CACNA1D: variants seen among roughly 807,000 people sequenced by gnomAD.
The protein encoded by CACNA1D is voltage-dependent L-type calcium channel subunit alpha-1D.
CACNA1D carries 55 observed loss-of-function variants against 257.1 expected under a neutral mutation model. That is an observed-to-expected ratio of 0.21 (90% CI 0.17 to 0.27). The LOEUF (loss-of-function observed/expected upper bound fraction) is 0.27, where lower values mean the gene tolerates loss of function less well. CACNA1D is among the 10% of genes least tolerant of loss of function. CACNA1D has a pLI of 1.00. For missense variants in CACNA1D, 1,876 were observed against 2,784.0 expected (o/e 0.67, Z 7.34); for synonymous variants, 980 against 1,014.9 (o/e 0.97, Z 0.65).
At chr3:53,615,122 G>A (rs544223353) in intron 3 of CACNA1D, among the ~76,000 whole-genome samples, 1 of 152,270 alleles carries the variant, frequency 6.6e-6, no homozygotes, top group East Asian at 1.9e-4. Flanking sequence ...ATTGACATCC[G>A]TGGCTTCATT....
intron 3 of CACNA1D, among the ~76,000 whole-genome samples, chr3:53,585,932 G>A (rs552874746): frequency 1.5e-4 from 23 of 152,268 alleles, no homozygotes; most frequent in South Asian, 1.5e-3. Context: ...GGCATACCAC[G>A]GGGATTTGTG....
intron 8 of CACNA1D, among the ~76,000 whole-genome samples, chr3:53,676,236 C>T (rs1188992439): frequency 6.6e-6 from 1 of 152,224 alleles, no homozygotes; most frequent in African/African-American, 2.4e-5. Flanking sequence ...CGGCGACTGA[C>T]GATGGGCTGG....
intron 20 of CACNA1D, among the ~76,000 whole-genome samples, chr3:53,736,664 G>A (rs1274078908): frequency 6.6e-6 from 1 of 152,108 alleles, no homozygotes; most frequent in East Asian, 1.9e-4. Context: ...GGCCAAGACA[G>A]TAGAATCGCT....
At chr3:53,502,487 A>G (rs1309341661) in intron 3 of CACNA1D, among the ~76,000 whole-genome samples, 2 of 151,190 alleles carry the variant, frequency 1.3e-5, no homozygotes, top group Non-Finnish European at 2.9e-5. Flanking sequence ...TTTTTTGGCA[A>G]AAGACTTTAA....
intron 3 of CACNA1D, among the ~76,000 whole-genome samples, chr3:53,505,115 G>GTTTTTTTTTTTTTT (rs35938386): frequency 3.1e-5 from 3 of 97,618 alleles, no homozygotes; most frequent in African/African-American, 4.1e-5. Context: ...TTGTTTATTT[G>GTTTTTTTTTTTTTT]TTTTTTTTTT....
intron 3 of CACNA1D, among the ~76,000 whole-genome samples, chr3:53,546,494 G>A (rs138917321): frequency 2.1e-4 from 32 of 152,250 alleles, no homozygotes; most frequent in African/African-American, 7.2e-4. Context: ...TTTGGCTTAG[G>A]GTTCTGGTGA....
chr3:53,612,788 G>A (rs2093597207), intron 3 of CACNA1D, among the ~76,000 whole-genome samples: 1 of 152,166 alleles, frequency 6.6e-6, no homozygotes, highest in African/African-American at 2.4e-5. Flanking sequence ...TGGGGCAGTC[G>A]TGAAGCTCAC....
intron 3 of CACNA1D, among the ~76,000 whole-genome samples, chr3:53,590,641 T>C (rs2093290213): frequency 2.0e-5 from 3 of 152,210 alleles, no homozygotes; most frequent in African/African-American, 4.8e-5. Flanking sequence ...TGTTGGTTGG[T>C]TGGAGAGTCA....
chr3:53,608,656 T>G (rs1056524501), intron 3 of CACNA1D, among the ~76,000 whole-genome samples: 4 of 152,228 alleles, frequency 2.6e-5, no homozygotes, highest in Admixed American at 2.6e-4. Context: ...TTTCTTTCTA[T>G]TTCTATTTCT....
At chr3:53,702,307 G>T (rs1477371646) in intron 8 of CACNA1D, among the ~76,000 whole-genome samples, 1 of 152,204 alleles carries the variant, frequency 6.6e-6, no homozygotes, top group African/African-American at 2.4e-5. Flanking sequence ...TCTGAGTTCA[G>T]GCCCCTTGTT....
At chr3:53,759,156 G>A (rs979301179) in intron 29 of CACNA1D, among the ~76,000 whole-genome samples, 3 of 152,200 alleles carry the variant, frequency 2.0e-5, no homozygotes, top group Non-Finnish European at 2.9e-5. Flanking sequence ...AGTGTGAGGG[G>A]TTTCTGGAGA....
Position 53,763,669 on chromosome 3 carries a change from C to T in CACNA1D, c.3870+1588C>T, listed in dbSNP as rs144090480. ...CTGCAGGATTGAGGATTATAAGGTC[C>T]ATCCTGGTGCCCAGACAGCCTGCAT... On this transcript the variant is annotated intron_variant, in intron 30 of 47. Coordinates refer to ENST00000350061, the MANE Select transcript of CACNA1D (RefSeq NM_001128840.3). Among the ~76,000 whole-genome samples, 442 of 152,308 alleles carry T rather than the reference C, an allele frequency of 2.9e-3. 2 individuals carry two copies. The highest frequency in any genetic ancestry group is 9.7e-3 in the African/African-American group (403 of 41,574).
intron 23 of CACNA1D, 130 bp downstream of exon 23, chr3:53,744,957 AT>A: frequency 3.0e-6 from 2 of 660,402 alleles, no homozygotes; most frequent in Non-Finnish European, 5.6e-6. Context: ...TTTCTAACCA[AT>A]TCAGCCACCT....
chr3:53,547,413 T>A (rs1408460715), intron 3 of CACNA1D, among the ~76,000 whole-genome samples: 1 of 152,218 alleles, frequency 6.6e-6, no homozygotes, highest in Non-Finnish European at 1.5e-5. Context: ...CGTCAATTGA[T>A]TCTCTTTATT....
At chr3:53,767,037 G>A (rs940671528) in intron 30 of CACNA1D, among the ~76,000 whole-genome samples, 3 of 152,168 alleles carry the variant, frequency 2.0e-5, no homozygotes, top group South Asian at 2.1e-4. Context: ...GAGTCTAATC[G>A]CTCTCTCTTC....
chr3:53,636,378 A>G (rs553742762), intron 3 of CACNA1D, among the ~76,000 whole-genome samples: 1 of 152,334 alleles, frequency 6.6e-6, no homozygotes, highest in African/African-American at 2.4e-5. Flanking sequence ...ATCTCGGCTC[A>G]CTGCAACCAC....
intron 39 of CACNA1D, 175 bp downstream of exon 39, chr3:53,781,842 T>G (rs942078316): frequency 3.1e-6 from 2 of 647,842 alleles, no homozygotes; most frequent in South Asian, 3.5e-5. Context: ...GGGGGTGATA[T>G]GAAGAACATT....
intron 22 of CACNA1D, among the ~76,000 whole-genome samples, chr3:53,744,535 G>C (rs563764877): frequency 6.6e-6 from 1 of 152,228 alleles, no homozygotes; most frequent in South Asian, 2.1e-4. Context: ...TGAGTGCCAT[G>C]GGCTGGGCTT....
intron 3 of CACNA1D, among the ~76,000 whole-genome samples, chr3:53,614,126 CAA>C (rs60855377): frequency 9.7e-4 from 105 of 108,744 alleles, no homozygotes; most frequent in African/African-American, 2.5e-3. Context: ...GCCCCCAACT[CAA>C]AAAAAAAAAA....
Sources: allele counts gnomAD v4.1 joint callset (sites outside exome capture counted in the v4.1 genomes callset), GRCh38; gene constraint gnomAD v4.1.1; transcripts MANE v1.5; gene names NCBI Gene and HGNC (gene_info 2026-07-23, HGNC 2026-07-21).